CCDC191: variants seen among roughly 807,000 people sequenced by gnomAD.
CCDC191 encodes the protein coiled-coil domain-containing protein 191.
In CCDC191, 99 loss-of-function variants were observed where a neutral mutation model predicts 114.0. The observed-to-expected ratio is 0.87, with a 90% CI of 0.74 to 1.03. The LOEUF (loss-of-function observed/expected upper bound fraction) is 1.03, where lower values mean the gene tolerates loss of function less well. CCDC191 is among the 50% of genes least tolerant of loss of function. The pLI is 0.00. For synonymous variants in CCDC191, 351 were observed against 376.0 expected (o/e 0.93, Z 0.77); for missense variants, 973 against 1,087.0 (o/e 0.90, Z 1.47).
chr3:114,056,573 A>C, upstream of CCDC191: 1 of 1,600,884 alleles, frequency 6.2e-7, no homozygotes, highest in African/African-American at 1.3e-5. Flanking sequence ...CCGCAAGGAA[A>C]GCAGGCATAG....
At chr3:114,039,374 G>A (rs746435498) in intron 4 of CCDC191, 1 of 152,088 alleles carries the variant, frequency 6.6e-6, no homozygotes, top group Non-Finnish European at 1.5e-5. Flanking sequence ...GCTGGGTGTG[G>A]TGGCACACAC....
At chr3:114,006,760 T>A (rs2075978437) in intron 9 of CCDC191, among the ~76,000 whole-genome samples, 1 of 151,816 alleles carries the variant, frequency 6.6e-6, no homozygotes. Context: ...TCTTTACAAA[T>A]GAATAATATA....
At chr3:114,038,185 T>C (rs2076512349) in intron 4 of CCDC191, among the ~76,000 whole-genome samples, 1 of 152,194 alleles carries the variant, frequency 6.6e-6, no homozygotes, top group Non-Finnish European at 1.5e-5. Flanking sequence ...TAGTTTTAAT[T>C]TTCAGTTTTC....
intron 2 of CCDC191, among the ~76,000 whole-genome samples, chr3:114,052,388 C>T (rs2076708900): frequency 6.6e-6 from 1 of 152,138 alleles, no homozygotes; most frequent in South Asian, 2.1e-4. Context: ...AACTGTGTGA[C>T]TAAGCCCTGC....
intron 13 of CCDC191, among the ~76,000 whole-genome samples, chr3:113,989,842 T>C (rs1191084674): frequency 1.3e-5 from 2 of 151,842 alleles, no homozygotes; most frequent in Admixed American, 6.6e-5. Context: ...AAAAAATCAA[T>C]TGGACATGGT....
intron 16 of CCDC191, among the ~76,000 whole-genome samples, chr3:113,970,675 A>G (rs901819830): frequency 1.3e-5 from 2 of 152,052 alleles, no homozygotes; most frequent in African/African-American, 2.4e-5. Flanking sequence ...CCATTAACTC[A>G]TCATTTAACA....
chr3:113,988,928 G>A (rs1309875863), intron 13 of CCDC191, among the ~76,000 whole-genome samples: 2 of 151,944 alleles, frequency 1.3e-5, no homozygotes, highest in Non-Finnish European at 2.9e-5. Context: ...CAAGTAGCTG[G>A]GACTACAGGT....
intron 7 of CCDC191, among the ~76,000 whole-genome samples, chr3:114,022,917 T>C (rs535192709): frequency 6.6e-6 from 1 of 152,292 alleles, no homozygotes; most frequent in East Asian, 1.9e-4. Flanking sequence ...GGAAGTCAAA[T>C]TGTCCCTGTT....
intron 11 of CCDC191, chr3:114,003,508 A>G (rs1460675145): frequency 1.1e-5 from 11 of 985,290 alleles, no homozygotes; most frequent in Non-Finnish European, 1.1e-5. Flanking sequence ...GAGACCCCTA[A>G]GAAGCAGAGT....
intron 8 of CCDC191, among the ~76,000 whole-genome samples, chr3:114,013,512 A>G (rs1233737342): frequency 1.3e-5 from 2 of 152,238 alleles, no homozygotes; most frequent in Non-Finnish European, 2.9e-5. Flanking sequence ...GTCAGATGCA[A>G]CTTACTTTGG....
intron 13 of CCDC191, among the ~76,000 whole-genome samples, chr3:113,994,303 T>C (rs2075656526): frequency 6.6e-6 from 1 of 152,232 alleles, no homozygotes. Context: ...TTAGCATTAT[T>C]TGTTGTTAGG....
chr3:114,023,017 G>A (rs1010948408), intron 7 of CCDC191, among the ~76,000 whole-genome samples: 3 of 152,090 alleles, frequency 2.0e-5, no homozygotes, highest in African/African-American at 4.8e-5. Context: ...AAAGTCTCAG[G>A]ATACAAAATC....
intron 13 of CCDC191, among the ~76,000 whole-genome samples, chr3:113,992,323 C>T (rs550972558): frequency 2.0e-5 from 3 of 152,106 alleles, no homozygotes; most frequent in Non-Finnish European, 4.4e-5. Flanking sequence ...GGCTGCTGCC[C>T]AAGAGGCCCA....
At chr3:114,054,494 A>G (rs1185194054) in intron 1 of CCDC191, among the ~76,000 whole-genome samples, 1 of 152,030 alleles carries the variant, frequency 6.6e-6, no homozygotes, top group African/African-American at 2.4e-5. Context: ...AAAATTAACC[A>G]GGCGTGGTGG....
chr3:114,029,486 C>T (rs939283765), intron 7 of CCDC191, among the ~76,000 whole-genome samples: 2 of 152,098 alleles, frequency 1.3e-5, no homozygotes, highest in East Asian at 1.9e-4. Flanking sequence ...ATGAGGGAAA[C>T]GCAAAATCAC....
intron 7 of CCDC191, among the ~76,000 whole-genome samples, chr3:114,022,305 T>A (rs2076255262): frequency 6.6e-6 from 1 of 152,126 alleles, no homozygotes; most frequent in Non-Finnish European, 1.5e-5. Flanking sequence ...ATGATTGACG[T>A]TAGGTGGAAC....
chr3:114,005,868 A>G lies in CCDC191; in HGVS notation c.1508T>C (p.Leu503Ser). Residue 503 changes from leucine to serine, a missense_variant, in exon 10 of 17, where the codon TTG becomes TCG. By Grantham distance (145) the Leu-to-Ser change is moderately radical. Coordinates refer to ENST00000295878, the MANE Select transcript of CCDC191 (RefSeq NM_020817.2). ...PPLGRTTTGN[L>S]QGSLQNVSLS... Reference sequence around the variant, plus strand: ...AGAGACATTCTGAAGGGAACCCTGCAAGTTGCCTGTTGTTGTTCTTCCCAG... The same window carrying G: ...AGAGACATTCTGAAGGGAACCCTGCGAGTTGCCTGTTGTTGTTCTTCCCAG... 1.2e-6 allele frequency: 2 copies of G among 1,614,034 alleles called. No individual in the cohort carries two copies. The highest frequency in any genetic ancestry group is 1.7e-6 in the Non-Finnish European group (2 of 1,179,982).
chr3:114,000,187 C>T (rs1348704663), intron 13 of CCDC191, among the ~76,000 whole-genome samples: 1 of 152,138 alleles, frequency 6.6e-6, no homozygotes, highest in South Asian at 2.1e-4. Flanking sequence ...GAGTTGGTGG[C>T]CTTAGTAAAG....
At chr3:114,003,871 A>G in intron 11 of CCDC191, 17 of 985,464 alleles carry the variant, frequency 1.7e-5, no homozygotes, top group Non-Finnish European at 2.0e-5. Flanking sequence ...CAACCACCAC[A>G]TGCAAACATA....
Sources: gnomAD v4.1 joint callset for allele counts (sites outside exome capture counted in the v4.1 genomes callset) on GRCh38, gnomAD v4.1.1 for gene constraint, MANE v1.5 for transcripts, NCBI Gene and HGNC (gene_info 2026-07-23, HGNC 2026-07-21) for gene names.